Variants in ACADL observed in about 807,000 individuals in gnomAD.
ACADL encodes the protein acyl-CoA dehydrogenase long chain.
A neutral mutation model predicts 56.9 loss-of-function variants in ACADL; 60 were observed. That is an observed-to-expected ratio of 1.05 (90% CI 0.86 to 1.31). The LOEUF (loss-of-function observed/expected upper bound fraction) is 1.31. Among genes scored for constraint, ACADL ranks in the 50% most tolerant of loss-of-function variants. ACADL has a pLI of 0.00. For missense variants in ACADL, 484 were observed against 525.5 expected (o/e 0.92, Z 0.77); for synonymous variants, 158 against 179.7 (o/e 0.88, Z 0.97).
intron 6 of ACADL, among the ~76,000 whole-genome samples, 167 bp downstream of exon 6, chr2:210,205,465 A>G (rs1286366630): frequency 1.3e-5 from 2 of 152,252 alleles, no homozygotes; most frequent in East Asian, 1.9e-4. Flanking sequence ...TCAGAAAGAT[A>G]GAGTGGTATA....
At chr2:210,217,766 A>T in intron 3 of ACADL, 199 bp downstream of exon 3, 1 of 637,930 alleles carries the variant, frequency 1.6e-6, no homozygotes, top group Non-Finnish European at 2.6e-6. Context: ...TCAGCAACTT[A>T]AAAGGATTTT....
intron 9 of ACADL, among the ~76,000 whole-genome samples, chr2:210,194,226 A>G (rs1043800289): frequency 2.0e-5 from 3 of 152,194 alleles, no homozygotes; most frequent in Non-Finnish European, 4.4e-5. Context: ...ATGTAAATAT[A>G]AAAAGTCTCC....
intron 8 of ACADL, among the ~76,000 whole-genome samples, chr2:210,202,967 A>G (rs1688819594): frequency 6.6e-6 from 1 of 152,158 alleles, no homozygotes. Flanking sequence ...TCCCCTAAGC[A>G]GCAATTGATC....
rs750791512 is a variant in ACADL, at chr2:210,214,509, AAAAG to A, written c.536+1834_536+1837del. On this transcript the variant is annotated intron_variant, in intron 4 of 10. Transcript: ENST00000233710. ...AAAGAAAGAAAGAAAGAAAGAAAGAAAAAGAAAGAAAGAAAGAAAGAAATCTGCT... is the reference window on the plus strand; with the variant it reads ...AAAGAAAGAAAGAAAGAAAGAAAGAAAAAGAAAGAAAGAAAGAAATCTGCT... 2.6e-4 allele frequency among the ~76,000 whole-genome samples: 5 copies of A among 18,932 alleles called. No individual in the cohort carries two copies. The South Asian group carries it at 7.2e-3, about 27-fold the overall frequency. 12.4% of individuals were successfully genotyped at this position (18,932 alleles called of 152,430 possible). A position where few individuals can be genotyped will look rare whatever the true frequency, so the allele number is the denominator to read the frequency against.
rs781485408 is a variant in ACADL at position 210,205,622 on chromosome 2, T to C, written c.768+10A>G. On this transcript the variant is annotated intron_variant, in intron 6 of 10. Coordinates refer to ENST00000233710, the MANE Select transcript of ACADL (RefSeq NM_001608.4). The stretch of plus-strand genomic sequence containing the variant: ...ATTAGTATCTGAATATGATTTACAT[T>C]ATCACTCACCTGGGCTTTTAATCCC... 5 of 1,612,970 alleles carry C rather than the reference T, an allele frequency of 3.1e-6. No individual in the cohort carries two copies. Among genetic ancestry groups the C allele is most frequent in the Non-Finnish European group, 4.2e-6 (5 of 1,179,120 alleles).
chr2:210,191,357 C>T lies in ACADL; in HGVS notation c.1199+1447G>A, dbSNP rs188344670. ...AGAATATAAGTCTCTCAAACTGAAA[C>T]CAGAGATTTCAAATAAGCCATCAAT... On this transcript the variant is annotated intron_variant, in intron 10 of 10. Transcript: ENST00000233710. Among the ~76,000 whole-genome samples the T allele has an allele frequency of 1.1e-3, 166 of 152,186 alleles. 2 individuals carry two copies. Among genetic ancestry groups the T allele is most frequent in the Middle Eastern group, 0.01 (3 of 294 alleles).
intron 4 of ACADL, among the ~76,000 whole-genome samples, chr2:210,212,852 T>G (rs1229733254): frequency 6.6e-6 from 1 of 152,194 alleles, no homozygotes; most frequent in Non-Finnish European, 1.5e-5. Flanking sequence ...CAGAAAAGAA[T>G]TAATATAGCA....
In ACADL at chr2:210,220,620, T is replaced by C. The variant is rs1689159233; in HGVS notation, c.233+27A>G. ...GTCCTATAATACCCCTAGTATACAT[T>C]ACATTAGAGGAAAATGTGCCACTTA... On this transcript the variant is annotated intron_variant, in intron 2 of 10. Coordinates refer to ENST00000233710, the MANE Select transcript of ACADL (RefSeq NM_001608.4). The C allele has an allele frequency of 2.5e-6, 4 of 1,608,220 alleles. No individual in the cohort carries two copies. In the South Asian group the frequency reaches 3.3e-5, roughly 13 times the overall value.
Position 210,216,452 on chromosome 2 carries a change from T to TA in ACADL, c.430dup (p.Tyr144LeufsTer12). On this transcript the variant is annotated frameshift_variant, in exon 4 of 11. Transcript: ENST00000233710. LOFTEE classifies it high-confidence loss of function. ...TTCTTCTGAGCCATGGTTTGTAATA[T>TA]AGGACATGACAATACCTGAATGAAT... 7 of 1,613,892 alleles carry TA rather than the reference T, an allele frequency of 4.3e-6. No individual in the cohort carries two copies. The highest frequency in any genetic ancestry group is 5.9e-6 in the Non-Finnish European group (7 of 1,179,822).
intron 8 of ACADL, among the ~76,000 whole-genome samples, chr2:210,197,277 C>T (rs947145256): frequency 2.0e-5 from 3 of 151,978 alleles, no homozygotes; most frequent in African/African-American, 2.4e-5. Context: ...AAGGTTGGCA[C>T]CCCACTCCTT....
intron 9 of ACADL, 136 bp from the exon 10 acceptor site, chr2:210,193,026 T>A (rs528486799): frequency 1.3e-4 from 81 of 640,970 alleles, no homozygotes; most frequent in South Asian, 1.0e-3. Flanking sequence ...GCATATTAGC[T>A]AAGCAAAGAA....
At chr2:210,213,199 A>G (rs1486951690) in intron 4 of ACADL, among the ~76,000 whole-genome samples, 4 of 152,138 alleles carry the variant, frequency 2.6e-5, no homozygotes, top group African/African-American at 9.7e-5. Flanking sequence ...TACATAGTTT[A>G]TTAAAACAAT....
At chr2:210,203,677 T>C (rs1167146231) in intron 7 of ACADL, among the ~76,000 whole-genome samples, 1 of 152,148 alleles carries the variant, frequency 6.6e-6, no homozygotes. Flanking sequence ...TTTTTTATAA[T>C]CTTTTTAAAT....
At position 210,203,321 on chromosome 2, in the gene ACADL, A is replaced by T. The variant is rs1203745106; in HGVS notation, c.984+10T>A. The T allele has an allele frequency of 6.3e-7, 1 of 1,588,062 alleles. No homozygotes were observed. Among genetic ancestry groups the T allele is most frequent in the Middle Eastern group, 1.7e-4 (1 of 6,022 alleles). ...TACCATCTAATACTAAACCACAGTG[A>T]CAAGCTTACCTGTAGGTGAGCAACT... On this transcript the variant is annotated intron_variant, in intron 8 of 10. Transcript: ENST00000233710.
chr2:210,200,510 C>T (rs554614024), intron 8 of ACADL, among the ~76,000 whole-genome samples: 65 of 152,186 alleles, frequency 4.3e-4, no homozygotes, highest in African/African-American at 1.4e-3. Context: ...ACCTCTGATA[C>T]GTGTAAATCA....
At position 210,218,194 on chromosome 2, in the gene ACADL, T is replaced by C. The variant is rs1005659513; in HGVS notation, c.234-92A>G. ...ACTTATGAATGATTTTGTGTAGAAA[T>C]GCATTCTTAATTTAAGGTAGTTATT... is the stretch of plus-strand genomic sequence containing the variant. On this transcript the variant is annotated intron_variant, in intron 2 of 10. Transcript: ENST00000233710. 28 of 1,264,676 alleles carry C rather than the reference T, an allele frequency of 2.2e-5. No individual in the cohort carries two copies. In the Admixed American group the frequency reaches 4.8e-4, roughly 22 times the overall value. The allele number at this position is 1,264,676 out of a possible 1,614,324, so 78.3% of individuals were successfully genotyped here.
chr2:210,195,735 T>A (rs558630557), intron 8 of ACADL, among the ~76,000 whole-genome samples: 2 of 152,258 alleles, frequency 1.3e-5, no homozygotes, highest in South Asian at 4.1e-4. Context: ...CCTTGAAGAT[T>A]TTTTTCTTTA....
chr2:210,214,681 A>C (rs960354687), intron 4 of ACADL, among the ~76,000 whole-genome samples: 4 of 152,208 alleles, frequency 2.6e-5, no homozygotes, highest in Non-Finnish European at 4.4e-5. Flanking sequence ...CATTTATTCT[A>C]TAGCCTCTTT....
intron 4 of ACADL, among the ~76,000 whole-genome samples, chr2:210,211,356 G>A (rs1220457452): frequency 6.6e-6 from 1 of 152,156 alleles, no homozygotes; most frequent in South Asian, 2.1e-4. Context: ...ACAGCAGAGT[G>A]TATAAACAGT....
Sources: allele counts gnomAD v4.1 joint callset (sites outside exome capture counted in the v4.1 genomes callset), GRCh38; gene constraint gnomAD v4.1.1; transcripts MANE v1.5; gene names NCBI Gene and HGNC (gene_info 2026-07-23, HGNC 2026-07-21).